Variants in CSMD1 observed in about 807,000 individuals in gnomAD.
CSMD1 encodes CUB and sushi domain-containing protein 1.
A neutral mutation model predicts 417.5 loss-of-function variants in CSMD1; 213 were observed. The observed-to-expected ratio is 0.51, with a 90% CI of 0.46 to 0.57. CSMD1 has a LOEUF of 0.57. CSMD1 is among the 20% of genes least tolerant of loss of function. The pLI is 0.00. For missense variants in CSMD1, 6,923 were observed against 4,529.7 expected, an observed-to-expected ratio of 1.53 and a Z score of -15.17; for synonymous variants, 2,862 against 1,736.8, an observed-to-expected ratio of 1.65 and a Z score of -16.11.
chr8:3,534,967 T>G (rs931714819), intron 10 of CSMD1, among the ~76,000 whole-genome samples: 4 of 152,162 alleles, frequency 2.6e-5, no homozygotes, highest in Admixed American at 2.0e-4. Flanking sequence ...ATTTATTTAT[T>G]GACAGCATCT....
chr8:4,612,499 G>C (rs557911288), intron 2 of CSMD1, among the ~76,000 whole-genome samples: 15 of 152,274 alleles, frequency 9.9e-5, no homozygotes, highest in African/African-American at 3.4e-4. Context: ...GACCACAACA[G>C]GCAAATTGTG....
chr8:4,704,530 C>T (rs1368304979), intron 1 of CSMD1, among the ~76,000 whole-genome samples: 1 of 152,170 alleles, frequency 6.6e-6, no homozygotes, highest in Non-Finnish European at 1.5e-5. Flanking sequence ...TGTTTCAGTG[C>T]CATTATACAG....
chr8:3,110,446 A>G (rs1407566267), intron 42 of CSMD1, 111 bp from the exon 43 acceptor site: 5 of 869,600 alleles, frequency 5.7e-6, no homozygotes, highest in African/African-American at 1.7e-5. Context: ...GATGGGAAAT[A>G]GGTGTGAAAT....
At chr8:4,642,522 A>T (rs1436432001) in intron 1 of CSMD1, among the ~76,000 whole-genome samples, 2 of 152,194 alleles carry the variant, frequency 1.3e-5, no homozygotes, top group Non-Finnish European at 2.9e-5. Context: ...CACTGTGAGC[A>T]TTTGAGGAGT....
At chr8:3,618,699 G>C (rs1410656591) in intron 7 of CSMD1, among the ~76,000 whole-genome samples, 1 of 152,086 alleles carries the variant, frequency 6.6e-6, no homozygotes, top group Non-Finnish European at 1.5e-5. Flanking sequence ...TTTTACAGGA[G>C]CGCTAAATGA....
At chr8:4,898,216 C>T (rs922143712) in intron 1 of CSMD1, among the ~76,000 whole-genome samples, 1 of 152,116 alleles carries the variant, frequency 6.6e-6, no homozygotes, top group Non-Finnish European at 1.5e-5. Flanking sequence ...ATGATTAAAA[C>T]GCACACATGA....
At chr8:4,388,335 C>T (rs916970357) in intron 3 of CSMD1, among the ~76,000 whole-genome samples, 1 of 151,308 alleles carries the variant, frequency 6.6e-6, no homozygotes, top group Non-Finnish European at 1.5e-5. Flanking sequence ...CACACACACA[C>T]ACACACACAC....
At chr8:4,414,437 A>G (rs1796816357) in intron 3 of CSMD1, among the ~76,000 whole-genome samples, 1 of 152,202 alleles carries the variant, frequency 6.6e-6, no homozygotes, top group Non-Finnish European at 1.5e-5. Context: ...TCAATGGATT[A>G]ATAAATACTG....
At chr8:3,285,265 T>G (rs1803058348) in intron 25 of CSMD1, among the ~76,000 whole-genome samples, 1 of 152,222 alleles carries the variant, frequency 6.6e-6, no homozygotes, top group South Asian at 2.1e-4. Flanking sequence ...TATGTCACCC[T>G]GTGTAAGGTA....
At chr8:4,184,015 G>C (rs115449278) in intron 3 of CSMD1, among the ~76,000 whole-genome samples, 50 of 152,288 alleles carry the variant, frequency 3.3e-4, no homozygotes, top group African/African-American at 1.1e-3. Context: ...CAAGGGTACA[G>C]TTAATGTTTG....
chr8:3,675,103 G>C (rs532125665), intron 7 of CSMD1, among the ~76,000 whole-genome samples: 1 of 152,164 alleles, frequency 6.6e-6, no homozygotes, highest in Admixed American at 6.5e-5. Context: ...ATCTTGAAGA[G>C]ATGCAGTGGC....
Position 4,776,804 on chromosome 8 carries a change from C to T in CSMD1, c.86-139246G>A, listed in dbSNP as rs74299165. On this transcript the variant is annotated intron_variant, in intron 1 of 69. Coordinates refer to ENST00000635120, the MANE Select transcript of CSMD1 (RefSeq NM_033225.6). ...CAAGGAATATTATATTAGAGCCAGA[C>T]GATTTAAATTTTAATTCTCTTACTG... is the stretch of plus-strand genomic sequence containing the variant. Among the ~76,000 whole-genome samples, 187 of 151,896 alleles carry T rather than the reference C, an allele frequency of 1.2e-3. 2 individuals are homozygous for T. Among genetic ancestry groups the T allele is most frequent in the African/African-American group, 4.3e-3 (177 of 41,250 alleles).
chr8:3,747,116 T>G (rs566093058), intron 6 of CSMD1, among the ~76,000 whole-genome samples: 1 of 152,210 alleles, frequency 6.6e-6, no homozygotes, highest in African/African-American at 2.4e-5. Context: ...AGAAACACAG[T>G]TGTAAAGACT....
intron 41 of CSMD1, among the ~76,000 whole-genome samples, chr8:3,124,380 A>C (rs2129022219): frequency 6.6e-6 from 1 of 152,372 alleles, no homozygotes; most frequent in Non-Finnish European, 1.5e-5. Context: ...ATTGAAGTAA[A>C]GAAAATATAA....
intron 1 of CSMD1, among the ~76,000 whole-genome samples, chr8:4,723,174 G>C (rs947146406): frequency 6.6e-6 from 1 of 152,058 alleles, no homozygotes; most frequent in East Asian, 1.9e-4. Flanking sequence ...CTATTATATG[G>C]TCTCATGGGG....
chr8:4,798,455 T>A (rs978953071), intron 1 of CSMD1, among the ~76,000 whole-genome samples: 1 of 152,214 alleles, frequency 6.6e-6, no homozygotes, highest in African/African-American at 2.4e-5. Flanking sequence ...GATGAGATTT[T>A]GCAATATATA....
intron 1 of CSMD1, among the ~76,000 whole-genome samples, chr8:4,753,333 G>A (rs189509844): frequency 6.6e-6 from 1 of 151,808 alleles, no homozygotes; most frequent in East Asian, 1.9e-4. Flanking sequence ...AAAGGGGCTA[G>A]CACTGTCTGC....
chr8:3,162,181 C>A lies in CSMD1; in HGVS notation c.5822G>T (p.Cys1941Phe). 6.2e-7 allele frequency: 1 copy of A among 1,608,336 alleles called. No individual in the cohort carries two copies. The highest frequency in any genetic ancestry group is 8.5e-7 in the Non-Finnish European group (1 of 1,177,232). ...TACCTGCAGGGTGTACCCGGGCTCG[C>A]ACTGGAAGGAGAGCACGTCGTTCAC... The part of the protein sequence containing the change: ...YMVNDVLSFQ[C>F]EPGYTLQGRS... The change falls in exon 38 of 70, where the codon TGC (cysteine) becomes TTC (phenylalanine). Residue 1941 changes from cysteine (C) to phenylalanine (F), a missense_variant. Physicochemically the swap from Cys to Phe is radical, Grantham distance 205 (BLOSUM62 -2). Transcript: ENST00000635120.
intron 50 of CSMD1, among the ~76,000 whole-genome samples, chr8:3,048,673 G>A (rs1020841376): frequency 1.3e-5 from 2 of 152,042 alleles, no homozygotes; most frequent in African/African-American, 4.8e-5. Flanking sequence ...CTTGGGTTTG[G>A]TAATGACTTT....
Sources: allele counts gnomAD v4.1 joint callset (sites outside exome capture counted in the v4.1 genomes callset), GRCh38; gene constraint gnomAD v4.1.1; transcripts MANE v1.5; gene names NCBI Gene and HGNC (gene_info 2026-07-23, HGNC 2026-07-21).